CPSF1: variants seen among roughly 807,000 people sequenced by gnomAD.
The protein encoded by CPSF1 is cleavage and polyadenylation specific factor 1.
Under a neutral mutation model 175.8 loss-of-function variants are expected in CPSF1, and 106 were observed. The observed-to-expected ratio is 0.60, with a 90% CI of 0.52 to 0.71. The LOEUF (loss-of-function observed/expected upper bound fraction) is 0.71, where lower values mean the gene tolerates loss of function less well. Ranked by LOEUF, CPSF1 falls within the 30% of genes least tolerant of loss-of-function variation. The pLI, the probability that CPSF1 is intolerant of heterozygous loss-of-function variation, is 0.00. For synonymous variants in CPSF1, 1,024 were observed against 858.3 expected (o/e 1.19, Z -3.37); for missense variants, 1,734 against 2,022.9 (o/e 0.86, Z 2.74).
Position 144,397,777 on chromosome 8 carries a change from C to T in CPSF1, c.2176G>A (p.Gly726Ser), listed in dbSNP as rs1554864557. The part of the protein sequence containing the change: ...GARDELGGRS[G>S]PEAEGLGSET... ...GAGCCCAGGCCCTCGGCCTCCGGGC[C>T]ACTGCGGCCCCCGAGCTCGTCACGG... The change falls in exon 21 of 38, where the codon GGC becomes AGC. Residue 726 changes from glycine (G) to serine (S), a missense_variant. Around this residue, in one of 10 missense-constraint regions of CPSF1, gnomAD observed 585 missense variants for 584.7 expected, o/e 1.00. Coordinates refer to ENST00000616140, the MANE Select transcript of CPSF1 (RefSeq NM_013291.3). 6.2e-7 allele frequency: 1 copy of T among 1,608,036 alleles called. No individual in the cohort carries two copies. Among genetic ancestry groups the T allele is most frequent in the Non-Finnish European group, 8.5e-7 (1 of 1,177,992 alleles).
chr8:144,396,443 G>A lies in CPSF1; in HGVS notation c.2884C>T (p.Arg962Trp), dbSNP rs782260784. 30 of 1,597,632 alleles carry A rather than the reference G, an allele frequency of 1.9e-5. No individual in the cohort carries two copies. Among genetic ancestry groups the A allele is most frequent in the South Asian group, 8.9e-5 (8 of 89,682 alleles). The change falls in exon 26 of 38, where the codon CGG (arginine) becomes TGG (tryptophan). Residue 962 changes from arginine to tryptophan, a missense_variant. Physicochemically the swap from Arg to Trp is moderately radical, Grantham distance 101 (BLOSUM62 -3). Transcript: ENST00000616140. The stretch of plus-strand genomic sequence containing the variant: ...CCGTCGATGGCCATGGGGTGTAGCC[G>A]CAGAGCCCCTCGGCCGGTCACCAAG... ...WLLVTGRGAL[R>W]LHPMAIDGPV...
At chr8:144,407,499 T>A (rs116869391) in intron 2 of CPSF1, among the ~76,000 whole-genome samples, 11,675 of 152,068 alleles carry the variant, frequency 0.077, 556 homozygotes, top group African/African-American at 0.11. Context: ...CTGGCCAATG[T>A]GGCGAAACCC....
rs2116852563 is a variant in CPSF1, at chr8:144,398,576, G to A, written c.1701C>T (p.Asp567=). The part of the protein sequence containing the change: ...QEPSTTPEAD[D]DGRRHGFLIL... ...TCAGGAATCCGTGTCTGCGGCCGTCGTCGTCTGCTTCAGGGGTGGTGCTGG... is the reference window on the plus strand; with the variant it reads ...TCAGGAATCCGTGTCTGCGGCCGTCATCGTCTGCTTCAGGGGTGGTGCTGG... Residue 567 remains aspartate (D), a synonymous_variant, in exon 18 of 38, where the codon GAC becomes GAT. Transcript: ENST00000616140. 11 of 1,613,770 alleles carry A rather than the reference G, an allele frequency of 6.8e-6. No homozygotes were observed. Among genetic ancestry groups the A allele is most frequent in the Middle Eastern group, 1.6e-4 (1 of 6,084 alleles).
intron 9 of CPSF1, 31 bp downstream of exon 9, chr8:144,400,135 G>GGGGGGCCCCCCCC: frequency 6.7e-6 from 6 of 895,992 alleles, no homozygotes; most frequent in Non-Finnish European, 9.6e-6. Flanking sequence ...CCGTCCCCGG[G>GGGGGGCCCCCCCC]CCCCCCCCGC....
rs1554862381 is a variant in CPSF1, at chr8:144,393,805, G to A, written c.4016-9C>T. ...GCCGCCGTCCAGGGTGGCTGGCAGGGGTAGGGTGAGGGTTTTGGTGTGAGC... is the reference window on the plus strand; with the variant it reads ...GCCGCCGTCCAGGGTGGCTGGCAGGAGTAGGGTGAGGGTTTTGGTGTGAGC... On this transcript the variant is annotated splice_polypyrimidine_tract_variant and intron_variant, in intron 35 of 37. Coordinates refer to ENST00000616140, the MANE Select transcript of CPSF1 (RefSeq NM_013291.3). 6 of 1,600,412 alleles carry A rather than the reference G, an allele frequency of 3.7e-6. No individual in the cohort carries two copies. Among genetic ancestry groups the A allele is most frequent in the African/African-American group, 1.3e-5 (1 of 74,976 alleles).
At position 144,409,303 on chromosome 8, in the gene CPSF1, C is replaced by A; in HGVS notation, c.-29G>T. ...CGGCCGCCCACCTGGCAGTTGGAGCCGACTCGAGAGGAACCGGGACAGCAG... is the reference window on the plus strand; with the variant it reads ...CGGCCGCCCACCTGGCAGTTGGAGCAGACTCGAGAGGAACCGGGACAGCAG... On this transcript the variant is annotated 5_prime_UTR_variant, in exon 1 of 38. Coordinates refer to ENST00000616140, the MANE Select transcript of CPSF1 (RefSeq NM_013291.3). The A allele has an allele frequency of 3.0e-6, 2 of 662,986 alleles. No homozygotes were observed. Among genetic ancestry groups the A allele is most frequent in the South Asian group, 7.4e-5 (1 of 13,540 alleles). 41.1% of individuals were successfully genotyped at this position (662,986 alleles called of 1,614,324 possible). A position where few individuals can be genotyped will look rare whatever the true frequency, so the allele number is the denominator to read the frequency against.
In CPSF1 at chr8:144,397,795, C is replaced by T. The variant is rs782127877; in HGVS notation, c.2158G>A (p.Glu720Lys). ...TCCGGGCCACTGCGGCCCCCGAGCT[C>T]GTCACGGGCCCCACCCAGGCGGCTC... ...TESRLGGARD[E>K]LGGRSGPEAE... Residue 720 changes from glutamate to lysine, a missense_variant, in exon 21 of 38, where the codon GAG becomes AAG. By Grantham distance (56) the Glu-to-Lys change is moderately conservative (BLOSUM62 1). Around this residue, in one of 10 missense-constraint regions of CPSF1, gnomAD observed 585 missense variants for 584.7 expected, o/e 1.00. Transcript: ENST00000616140. 4 of 1,610,542 alleles carry T rather than the reference C, an allele frequency of 2.5e-6. No homozygotes were observed. Among genetic ancestry groups the T allele is most frequent in the Non-Finnish European group, 2.5e-6 (3 of 1,179,016 alleles).
In CPSF1 at chr8:144,394,030, T is replaced by A; in HGVS notation, c.3868A>T (p.Ser1290Cys). Residue 1290 changes from serine (S) to cysteine (C), a missense_variant, in exon 35 of 38, where the codon AGT (serine) becomes TGT (cysteine). Ser to Cys is a moderately radical substitution (Grantham distance 112). Around this residue, in one of 10 missense-constraint regions of CPSF1, gnomAD observed 323 missense variants for 338.5 expected, o/e 0.95. Coordinates refer to ENST00000616140, the MANE Select transcript of CPSF1 (RefSeq NM_013291.3). ...CGCAGCAGGCGCATGCCCCCGAAAC[T>A]CTCCTTGGCTAGACCAGAAAGGCCT... ...VYMYLPEAKE[S>C]FGGMRLLRRA... 1 of 1,610,566 alleles carries A rather than the reference T, an allele frequency of 6.2e-7. No individual in the cohort carries two copies. Among genetic ancestry groups the A allele is most frequent in the Non-Finnish European group, 8.5e-7 (1 of 1,177,914 alleles).
At position 144,394,564 on chromosome 8, in the gene CPSF1, G is replaced by T. The variant is rs782320837; in HGVS notation, c.3568-9C>A. 6.2e-7 allele frequency: 1 copy of T among 1,607,288 alleles called. No individual in the cohort carries two copies. Among genetic ancestry groups the T allele is most frequent in the Non-Finnish European group, 8.5e-7 (1 of 1,177,152 alleles). On this transcript the variant is annotated splice_polypyrimidine_tract_variant and intron_variant, in intron 31 of 37. Coordinates refer to ENST00000616140, the MANE Select transcript of CPSF1 (RefSeq NM_013291.3). The stretch of plus-strand genomic sequence containing the variant: ...AGGCTCCACAGGAAAATCTGGGGGC[G>T]AGGGCGAGGGTGAGCGGGCGCGGAC...
At chr8:144,396,007 G>A (rs1586613334) in intron 26 of CPSF1, 3 of 413,620 alleles carry the variant, frequency 7.3e-6, no homozygotes, top group South Asian at 6.5e-5. Flanking sequence ...AAGCCTGTGT[G>A]CCCTCCCAAA....
chr8:144,397,222 G>A lies in CPSF1; in HGVS notation c.2577C>T (p.Ser859=), dbSNP rs1554864222. The change falls in exon 23 of 38, where the codon AGC becomes AGT. Residue 859 remains serine (S), a synonymous_variant. Transcript: ENST00000616140. ...VLLVALGSRQ[S]RPYLLVHVDQ... ...GCGCACTCACCAGCAGGTAGGGCCT[G>A]CTCTGGCGGCTGCCCAGCGCCACCA... 1 of 1,546,072 alleles carries A rather than the reference G, an allele frequency of 6.5e-7. No individual in the cohort carries two copies. The highest frequency in any genetic ancestry group is 1.9e-5 in the Admixed American group (1 of 51,524).
chr8:144,409,169 C>A lies in CPSF1; in HGVS notation c.-11G>T, dbSNP rs2116913572. The A allele has an allele frequency of 1.9e-6, 3 of 1,603,192 alleles. No homozygotes were observed. The highest frequency in any genetic ancestry group is 2.2e-5 in the South Asian group (2 of 90,176). On this transcript the variant is annotated 5_prime_UTR_variant, in exon 2 of 38. Transcript: ENST00000616140. ...GTACACGGCGTACATGGCGCCAACC[C>A]GGGCTGCGCAAGGCCGGGAGAGGAA...
chr8:144,394,817 T>C (rs1490826274), intron 30 of CPSF1, 21 bp from the exon 31 acceptor site: 1 of 1,613,008 alleles, frequency 6.2e-7, no homozygotes, highest in African/African-American at 1.3e-5. Flanking sequence ...TGGGTATGGC[T>C]GTGGGATGGC....
intron 2 of CPSF1, among the ~76,000 whole-genome samples, chr8:144,406,727 GC>G (rs1821515259): frequency 2.0e-5 from 3 of 151,972 alleles, no homozygotes; most frequent in Non-Finnish European, 4.4e-5. Context: ...AGCGTCCAAG[GC>G]AGCACAACGC....
In CPSF1 at chr8:144,397,514, C is replaced by A; in HGVS notation, c.2358G>T (p.Leu786=). The change falls in exon 22 of 38, where the codon CTG becomes CTT. Residue 786 remains leucine, a synonymous_variant. Coordinates refer to ENST00000616140, the MANE Select transcript of CPSF1 (RefSeq NM_013291.3). ...CCATGGTGCCATTCTCCCGCACCAG[C>A]AGGCACCAGTGGGTAGGCTCTGCCC... is the stretch of plus-strand genomic sequence containing the variant. ...PFRAEPTHWC[L]LVRENGTMEI... 6.3e-7 allele frequency: 1 copy of A among 1,586,286 alleles called. No homozygotes were observed. The highest frequency in any genetic ancestry group is 1.1e-5 in the South Asian group (1 of 88,178).
intron 2 of CPSF1, among the ~76,000 whole-genome samples, chr8:144,407,852 T>C (rs907516841): frequency 6.6e-6 from 1 of 152,034 alleles, no homozygotes; most frequent in Non-Finnish European, 1.5e-5. Context: ...AGCCTGAGAT[T>C]CGGTTACAGG....
intron 2 of CPSF1, among the ~76,000 whole-genome samples, chr8:144,408,557 TCAGA>T (rs1215193509): frequency 6.6e-6 from 1 of 152,234 alleles, no homozygotes; most frequent in East Asian, 1.9e-4. Context: ...CCGCTCTGCC[TCAGA>T]CAGGCTCTTC....
Position 144,409,108 on chromosome 8 carries a change from G to T in CPSF1, c.51C>A (p.Ser17=), listed in dbSNP as rs138794247. The T allele has an allele frequency of 2.4e-4, 380 of 1,613,838 alleles. 4 individuals are homozygous for T. In the East Asian group the frequency reaches 6.5e-3, roughly 28 times the overall value. Residue 17 remains serine, a synonymous_variant, in exon 2 of 38, where the codon TCC becomes TCA. Coordinates refer to ENST00000616140, the MANE Select transcript of CPSF1 (RefSeq NM_013291.3). ...TGTTGTTGAAGAAGTTGCAGTACAT[G>T]GAGAACTCCAGACCGGTGGGCGGAT... ...QAHPPTGLEF[S]MYCNFFNNSE... is the part of the protein sequence containing the mutation.
rs782384268 is a variant in CPSF1, at chr8:144,395,413, TGGGGTG to T, written c.3096+16_3096+21del. 71 of 1,542,476 alleles carry T rather than the reference TGGGGTG, an allele frequency of 4.6e-5. No individual in the cohort carries two copies. Among genetic ancestry groups the T allele is most frequent in the Admixed American group, 2.0e-4 (11 of 54,776 alleles). On this transcript the variant is annotated intron_variant, in intron 27 of 37. Coordinates refer to ENST00000616140, the MANE Select transcript of CPSF1 (RefSeq NM_013291.3). The stretch of plus-strand genomic sequence containing the variant: ...CCGGCCAGGCCCAGAAGGTCCCTGG[TGGGGTG>T]GGGGTGGGGGCAGACCTTAGACTCC...
Sources: gnomAD v4.1 joint callset for allele counts (sites outside exome capture counted in the v4.1 genomes callset) on GRCh38, gnomAD v4.1.1 for gene constraint, gnomAD v4.1.1 regional missense constraint, MANE v1.5 for transcripts, NCBI Gene and HGNC (gene_info 2026-07-23, HGNC 2026-07-21) for gene names.